Variants in PDS5B observed in about 807,000 individuals in gnomAD.
PDS5B encodes sister chromatid cohesion protein PDS5 homolog B.
PDS5B carries 51 observed loss-of-function variants against 184.1 expected under a neutral mutation model. The observed-to-expected ratio is 0.28, with a 90% CI of 0.22 to 0.35. PDS5B has a LOEUF of 0.35. PDS5B is among the 10% of genes least tolerant of loss of function. PDS5B has a pLI of 1.00. For synonymous variants in PDS5B, 566 were observed against 569.2 expected, an observed-to-expected ratio of 0.99 and a Z score of 0.08; for missense variants, 1,180 against 1,723.3, an observed-to-expected ratio of 0.68 and a Z score of 5.58.
chr13:32,755,064 T>C (rs1238873793), intron 25 of PDS5B, among the ~76,000 whole-genome samples: 2 of 152,222 alleles, frequency 1.3e-5, no homozygotes. Flanking sequence ...AACTGTTCTC[T>C]GTAGATTTAG....
chr13:32,730,721 G>A (rs1211110223), intron 19 of PDS5B, among the ~76,000 whole-genome samples: 1 of 152,136 alleles, frequency 6.6e-6, no homozygotes, highest in Non-Finnish European at 1.5e-5. Flanking sequence ...GTGAATGGGA[G>A]CTCACTCATG....
chr13:32,738,770 C>G (rs959426298), intron 21 of PDS5B, among the ~76,000 whole-genome samples: 6 of 152,108 alleles, frequency 3.9e-5, no homozygotes, highest in Admixed American at 2.0e-4. Flanking sequence ...TTCCCACATT[C>G]AAGCCATTCT....
intron 1 of PDS5B, among the ~76,000 whole-genome samples, chr13:32,593,940 C>T (rs1253192982): frequency 6.6e-6 from 1 of 152,054 alleles, no homozygotes; most frequent in Non-Finnish European, 1.5e-5. Context: ...CAGTTCAAAC[C>T]TGTGTTGTTG....
At chr13:32,651,136 T>C (rs1445842611) in intron 2 of PDS5B, among the ~76,000 whole-genome samples, 2 of 152,204 alleles carry the variant, frequency 1.3e-5, no homozygotes, top group Non-Finnish European at 2.9e-5. Context: ...TATAGAAATA[T>C]TTTTGAAAAA....
At chr13:32,629,432 A>G (rs2058421924) in intron 1 of PDS5B, among the ~76,000 whole-genome samples, 1 of 152,138 alleles carries the variant, frequency 6.6e-6, no homozygotes. Context: ...CTACTGAATC[A>G]TACTTTAAGT....
rs754216080 is a variant in PDS5B, at chr13:32,696,877, A to G, written c.1575A>G (p.Ile525Met). 14 of 1,594,566 alleles carry G rather than the reference A, an allele frequency of 8.8e-6. No homozygotes were observed. Among genetic ancestry groups the G allele is most frequent in the Non-Finnish European group, 1.2e-5 (14 of 1,167,130 alleles). ...AGACAGATGCCAGTGTCAAGGCCATATTTTCAAAAGTGATGGTTATTACAA... is the reference window on the plus strand; with the variant it reads ...AGACAGATGCCAGTGTCAAGGCCATGTTTTCAAAAGTGATGGTTATTACAA... ...QPKTDASVKA[I>M]FSKVMVITRN... Residue 525 changes from isoleucine (I) to methionine (M), a missense_variant, in exon 15 of 35, where the codon ATA becomes ATG. By Grantham distance (10) the Ile-to-Met change is conservative (BLOSUM62 1). Transcript: ENST00000315596.
chr13:32,612,474 G>A (rs2058158957), intron 1 of PDS5B, among the ~76,000 whole-genome samples: 2 of 152,104 alleles, frequency 1.3e-5, no homozygotes, highest in South Asian at 4.1e-4. Context: ...TGACAGAGTT[G>A]TACATCCATC....
intron 31 of PDS5B, among the ~76,000 whole-genome samples, chr13:32,766,346 G>C (rs965124721): frequency 6.6e-6 from 1 of 152,178 alleles, no homozygotes; most frequent in African/African-American, 2.4e-5. Context: ...GGATAGTACA[G>C]AACAAAGTCT....
chr13:32,726,831 A>G (rs1952916390), intron 19 of PDS5B, among the ~76,000 whole-genome samples: 1 of 152,174 alleles, frequency 6.6e-6, no homozygotes, highest in African/African-American at 2.4e-5. Context: ...CGGGAGGATC[A>G]CTTGAGCCCA....
intron 21 of PDS5B, among the ~76,000 whole-genome samples, chr13:32,739,470 G>A (rs1258042324): frequency 6.6e-6 from 1 of 152,118 alleles, no homozygotes; most frequent in Non-Finnish European, 1.5e-5. Flanking sequence ...TTGATAAGGT[G>A]AATTATTTGG....
At chr13:32,628,099 A>G (rs1460939657) in intron 1 of PDS5B, among the ~76,000 whole-genome samples, 14 of 152,350 alleles carry the variant, frequency 9.2e-5, no homozygotes, top group East Asian at 7.7e-4. Flanking sequence ...TAGGCAATCC[A>G]TAATACCTAT....
chr13:32,607,918 T>C (rs1234909293), intron 1 of PDS5B, among the ~76,000 whole-genome samples: 1 of 152,222 alleles, frequency 6.6e-6, no homozygotes, highest in African/African-American at 2.4e-5. Context: ...AAAAGCACAG[T>C]AGCAGGGTGG....
At chr13:32,696,003 C>A (rs1951691890) in intron 14 of PDS5B, among the ~76,000 whole-genome samples, 2 of 151,998 alleles carry the variant, frequency 1.3e-5, no homozygotes, top group Admixed American at 1.3e-4. Context: ...TTTGTTCCCC[C>A]CAAATAAAAC....
At chr13:32,674,593 A>G (rs941648375) in intron 8 of PDS5B, among the ~76,000 whole-genome samples, 2 of 151,762 alleles carry the variant, frequency 1.3e-5, no homozygotes, top group African/African-American at 2.4e-5. Flanking sequence ...TAAGGAAATT[A>G]TCATCCCTGC....
chr13:32,721,231 AC>A (rs1226733585), intron 19 of PDS5B, among the ~76,000 whole-genome samples: 1 of 128,492 alleles, frequency 7.8e-6, no homozygotes, highest in Non-Finnish European at 1.7e-5. Flanking sequence ...GGCAGAGGCG[AC>A]CCCCACCTCC....
rs531500226 is a variant in PDS5B, at chr13:32,643,826, C to T, written c.-19-4928C>T. On this transcript the variant is annotated intron_variant, in intron 1 of 34. Transcript: ENST00000315596. ...GCACAACAATAAAATTCCCCAACAA[C>T]GTATTTATTAGAATGTATCCCATCA... 3.9e-5 allele frequency among the ~76,000 whole-genome samples: 6 copies of T among 152,206 alleles called. No homozygotes were observed. The East Asian group carries it at 7.7e-4, about 20-fold the overall frequency.
chr13:32,716,621 G>A (rs1370132969), intron 19 of PDS5B, among the ~76,000 whole-genome samples: 7 of 149,170 alleles, frequency 4.7e-5, no homozygotes, highest in Non-Finnish European at 1.0e-4. Flanking sequence ...GAGGTGGGGG[G>A]GTCAGCCCCC....
chr13:32,721,460 C>A (rs1952691080), intron 19 of PDS5B, among the ~76,000 whole-genome samples: 1 of 150,030 alleles, frequency 6.7e-6, no homozygotes, highest in Admixed American at 6.6e-5. Flanking sequence ...GGCGGCCGGG[C>A]AGAGGTGCTC....
intron 1 of PDS5B, among the ~76,000 whole-genome samples, chr13:32,620,929 C>T (rs2058292059): frequency 6.6e-6 from 1 of 152,128 alleles, no homozygotes; most frequent in South Asian, 2.1e-4. Flanking sequence ...TAGAGTAAAC[C>T]AAGCTTGGTT....
Sources: gnomAD v4.1 joint callset for allele counts (sites outside exome capture counted in the v4.1 genomes callset) on GRCh38, gnomAD v4.1.1 for gene constraint, MANE v1.5 for transcripts, NCBI Gene and HGNC (gene_info 2026-07-23, HGNC 2026-07-21) for gene names.